Variants in NME7 observed in about 807,000 individuals in gnomAD.
NME7 encodes the protein NME/NM23 family member 7, also known as nucleoside diphosphate kinase 7.
Under a neutral mutation model 49.1 loss-of-function variants are expected in NME7, and 41 were observed. The observed-to-expected ratio is 0.83, with a 90% CI of 0.65 to 1.08. The LOEUF (loss-of-function observed/expected upper bound fraction) is 1.08. NME7 is among the 50% of genes least tolerant of loss of function. The pLI is 0.00. For missense variants in NME7, 423 were observed against 463.4 expected (o/e 0.91, Z 0.80); for synonymous variants, 139 against 150.6 (o/e 0.92, Z 0.56).
rs2101895681 is a variant in NME7 at position 169,287,365 on chromosome 1, G to C, written c.692C>G (p.Ala231Gly). Residue 231 changes from alanine (A) to glycine (G), a missense_variant, in exon 7 of 12, where the codon GCA (alanine) becomes GGA (glycine). Transcript: ENST00000367811. ...FFPSSGGCGP[A>G]NTAKFTNCTC... ...ACAATTAGTAAATTTAGCAGTGTTT[G>C]CCGGCCCACAACCTCCACTTGAAGG... 1 of 1,608,426 alleles carries C rather than the reference G, an allele frequency of 6.2e-7. No individual in the cohort carries two copies. The highest frequency in any genetic ancestry group is 8.5e-7 in the Non-Finnish European group (1 of 1,177,868).
chr1:169,253,443 C>G (rs1648733765), intron 7 of NME7, among the ~76,000 whole-genome samples: 1 of 151,794 alleles, frequency 6.6e-6, no homozygotes, highest in Non-Finnish European at 1.5e-5. Flanking sequence ...AGTTGCTTAT[C>G]AGCTTAAGGA....
At chr1:169,228,918 G>A (rs1647466709) in intron 10 of NME7, among the ~76,000 whole-genome samples, 2 of 152,104 alleles carry the variant, frequency 1.3e-5, no homozygotes, top group African/African-American at 4.8e-5. Context: ...AACCACATGT[G>A]TTATTTAAGT....
intron 10 of NME7, among the ~76,000 whole-genome samples, chr1:169,205,984 T>C (rs895855358): frequency 1.3e-4 from 20 of 152,072 alleles, no homozygotes; most frequent in African/African-American, 4.8e-4. Flanking sequence ...GATTGCTAGG[T>C]GACTGTCACC....
intron 4 of NME7, among the ~76,000 whole-genome samples, chr1:169,305,161 AT>A (rs1248189447): frequency 1.6e-4 from 24 of 152,302 alleles, no homozygotes; most frequent in Admixed American, 1.6e-3. Context: ...GAGTTCATAA[AT>A]TTTTTCCCAT....
At chr1:169,149,878 A>C (rs1225590750) in intron 11 of NME7, among the ~76,000 whole-genome samples, 1 of 152,242 alleles carries the variant, frequency 6.6e-6, no homozygotes, top group Non-Finnish European at 1.5e-5. Flanking sequence ...ACTGTGGATA[A>C]GGGGAGATTA....
At chr1:169,234,559 A>C (rs1162158933) in intron 9 of NME7, among the ~76,000 whole-genome samples, 3 of 152,184 alleles carry the variant, frequency 2.0e-5, no homozygotes, top group Non-Finnish European at 4.4e-5. Context: ...ACAGTTTTAC[A>C]TAATTTATTT....
intron 10 of NME7, among the ~76,000 whole-genome samples, chr1:169,212,749 C>T (rs937264420): frequency 2.6e-5 from 4 of 152,002 alleles, no homozygotes; most frequent in African/African-American, 9.7e-5. Flanking sequence ...GCTAGGACTA[C>T]AGGCACAGGC....
At chr1:169,313,555 A>G (rs1011166463) in intron 3 of NME7, among the ~76,000 whole-genome samples, 6 of 152,198 alleles carry the variant, frequency 3.9e-5, no homozygotes, top group Non-Finnish European at 7.4e-5. Context: ...TAGGAAAGTA[A>G]TGTCATCCTG....
rs543371192 is a variant in NME7 at position 169,342,196 on chromosome 1, C to A, written c.4-17696G>T. 1.5e-3 allele frequency among the ~76,000 whole-genome samples: 222 copies of A among 152,144 alleles called. 2 individuals are homozygous for A. The highest frequency in any genetic ancestry group is 5.0e-3 in the African/African-American group (208 of 41,516). On this transcript the variant is annotated intron_variant, in intron 1 of 11. Transcript: ENST00000367811. The stretch of plus-strand genomic sequence containing the variant: ...GTGGGAGGTGACTGGATCATGGGGG[C>A]AGTTTCCCCCATGCTGTTCTCATGA...
chr1:169,346,939 G>A (rs181327494), intron 1 of NME7, among the ~76,000 whole-genome samples: 7 of 152,226 alleles, frequency 4.6e-5, no homozygotes, highest in African/African-American at 1.7e-4. Flanking sequence ...ACAGACACTG[G>A]GGATATTCAA....
intron 11 of NME7, among the ~76,000 whole-genome samples, chr1:169,149,032 C>T (rs1322547583): frequency 2.0e-5 from 3 of 152,182 alleles, no homozygotes; most frequent in African/African-American, 4.8e-5. Flanking sequence ...GTGAGCATAT[C>T]TATTTGTTAG....
chr1:169,349,576 C>T (rs1000669340), intron 1 of NME7, among the ~76,000 whole-genome samples: 7 of 152,046 alleles, frequency 4.6e-5, no homozygotes, highest in African/African-American at 1.7e-4. Context: ...TTAAAAAATG[C>T]TATTAAATCA....
chr1:169,144,441 C>T (rs77792912), intron 11 of NME7, among the ~76,000 whole-genome samples: 4,085 of 152,178 alleles, frequency 0.027, 77 homozygotes, highest in Middle Eastern at 0.065. Flanking sequence ...TCCTCCAATA[C>T]TTGGAGCAGA....
rs550258121 is a variant in NME7, at chr1:169,243,633, C to T, written c.755-5946G>A. Among the ~76,000 whole-genome samples the T allele has an allele frequency of 5.9e-5, 9 of 152,282 alleles. No homozygotes were observed. In the South Asian group the frequency reaches 6.2e-4, roughly 11 times the overall value. ...AAGAAGCTCCAGAGAGTTCTCTTGC[C>T]TCTTTCACCATGTAAAGGCACAGTG... On this transcript the variant is annotated intron_variant, in intron 7 of 11. Coordinates refer to ENST00000367811, the MANE Select transcript of NME7 (RefSeq NM_013330.5).
intron 7 of NME7, among the ~76,000 whole-genome samples, chr1:169,242,621 C>T (rs1020308420): frequency 6.6e-6 from 1 of 151,318 alleles, no homozygotes. Flanking sequence ...ACAAGAAAGG[C>T]AGAAATATAA....
chr1:169,237,453 T>C (rs1444525996), intron 8 of NME7, among the ~76,000 whole-genome samples, 170 bp downstream of exon 8: 1 of 152,078 alleles, frequency 6.6e-6, no homozygotes, highest in African/African-American at 2.4e-5. Context: ...ATGGGAAAAA[T>C]CATTTCAAAA....
chr1:169,253,658 C>T (rs1232960001), intron 7 of NME7, among the ~76,000 whole-genome samples: 1 of 152,186 alleles, frequency 6.6e-6, no homozygotes, highest in Non-Finnish European at 1.5e-5. Flanking sequence ...AAACGGAATG[C>T]TTCTAGTTTT....
At chr1:169,234,842 C>T (rs1211971878) in intron 9 of NME7, among the ~76,000 whole-genome samples, 1 of 152,096 alleles carries the variant, frequency 6.6e-6, no homozygotes, top group Non-Finnish European at 1.5e-5. Context: ...GACTGGTTAA[C>T]ATCAGGTTAC....
intron 7 of NME7, among the ~76,000 whole-genome samples, chr1:169,242,704 A>G (rs1034405317): frequency 1.3e-5 from 2 of 151,270 alleles, no homozygotes; most frequent in African/African-American, 4.9e-5. Flanking sequence ...ATCTAGAACT[A>G]ATTATTTCAG....
Sources: gnomAD v4.1 joint callset for allele counts (sites outside exome capture counted in the v4.1 genomes callset) on GRCh38, gnomAD v4.1.1 for gene constraint, MANE v1.5 for transcripts, NCBI Gene and HGNC (gene_info 2026-07-23, HGNC 2026-07-21) for gene names.